Variants in FLACC1 observed in about 807,000 individuals in gnomAD.
The protein encoded by FLACC1 is flagellum-associated coiled-coil domain-containing protein 1.
FLACC1 carries 66 observed loss-of-function variants against 62.8 expected under a neutral mutation model. That is an observed-to-expected ratio of 1.05 (90% confidence interval 0.86 to 1.29). The LOEUF (loss-of-function observed/expected upper bound fraction) is 1.29, where lower values mean the gene tolerates loss of function less well. Among genes scored for constraint, FLACC1 ranks in the 50% most tolerant of loss-of-function variants. The probability of loss-of-function intolerance (pLI) is 0.00; values close to 1 mark genes in which losing one functional copy is unlikely to be tolerated. For missense variants in FLACC1, 452 were observed against 489.1 expected (o/e 0.92, Z 0.71); for synonymous variants, 156 against 161.0 (o/e 0.97, Z 0.24).
At chr2:201,292,974 A>G (rs1559383354) in intron 12 of FLACC1, among the ~76,000 whole-genome samples, 1 of 152,246 alleles carries the variant, frequency 6.6e-6, no homozygotes, top group Non-Finnish European at 1.5e-5. Flanking sequence ...AGAGCTAACT[A>G]TCCTAAATAT....
intron 1 of FLACC1, among the ~76,000 whole-genome samples, chr2:201,354,913 G>A (rs1951089949): frequency 6.6e-6 from 1 of 152,152 alleles, no homozygotes; most frequent in Non-Finnish European, 1.5e-5. Context: ...TCCACAACGG[G>A]CATTTGATGA....
intron 9 of FLACC1, among the ~76,000 whole-genome samples, chr2:201,319,601 CA>C (rs751503433): frequency 1.5e-4 from 23 of 152,190 alleles, no homozygotes; most frequent in Admixed American, 1.0e-3. Context: ...AAAATATTCA[CA>C]AACTACGCAT....
chr2:201,291,852 C>A (rs1206559825), intron 12 of FLACC1, among the ~76,000 whole-genome samples: 2 of 152,130 alleles, frequency 1.3e-5, no homozygotes, highest in Admixed American at 1.3e-4. Context: ...GAGCTGAAAA[C>A]CATGGCACAA....
rs1242832993 is a variant in FLACC1, at chr2:201,288,471, A to C, written c.*184T>G. On this transcript the variant is annotated 3_prime_UTR_variant, in exon 15 of 15. Coordinates refer to ENST00000392257, the MANE Select transcript of FLACC1 (RefSeq NM_001127391.3). ...TATGGAGAGCATCATTTTTCAGTGA[A>C]GAGTCCGTGATAAGCTGTGAAATTC... 4 of 602,014 alleles carry C rather than the reference A, an allele frequency of 6.6e-6. No individual in the cohort carries two copies. Among genetic ancestry groups the C allele is most frequent in the East Asian group, 3.0e-5 (1 of 33,242 alleles). The allele number at this position is 602,014 out of a possible 1,614,324, so 37.3% of individuals were successfully genotyped here.
rs1949681427 is a variant in FLACC1, at chr2:201,289,576, AT to A, written c.1033-11del. 1 of 1,613,824 alleles carries A rather than the reference AT, an allele frequency of 6.2e-7. No individual in the cohort carries two copies. Among genetic ancestry groups the A allele is most frequent in the African/African-American group, 1.3e-5 (1 of 74,924 alleles). On this transcript the variant is annotated splice_polypyrimidine_tract_variant and intron_variant, in intron 13 of 14. Coordinates refer to ENST00000392257, the MANE Select transcript of FLACC1 (RefSeq NM_001127391.3). ...TTCCCACTATAGCTTTCTGAAAGAC[AT>A]ACATTTTAATAGCCATCTTCCCCAA... is the stretch of plus-strand genomic sequence containing the variant.
chr2:201,320,123 T>A (rs1950376156), intron 9 of FLACC1, among the ~76,000 whole-genome samples: 1 of 152,182 alleles, frequency 6.6e-6, no homozygotes, highest in African/African-American at 2.4e-5. Context: ...TTGCACACAC[T>A]CCCAGATTTC....
intron 12 of FLACC1, among the ~76,000 whole-genome samples, chr2:201,295,062 A>G (rs1949827947): frequency 6.6e-6 from 1 of 152,220 alleles, no homozygotes; most frequent in Non-Finnish European, 1.5e-5. Flanking sequence ...AGGAAGAATC[A>G]ACATCGTGAA....
chr2:201,332,331 C>A (rs1342577834), intron 7 of FLACC1, among the ~76,000 whole-genome samples: 1 of 152,050 alleles, frequency 6.6e-6, no homozygotes, highest in East Asian at 1.9e-4. Context: ...TCACTGCAAC[C>A]TTCGCCTCCT....
chr2:201,299,390 A>G, intron 11 of FLACC1, 90 bp from the exon 12 acceptor site: 2 of 1,028,076 alleles, frequency 1.9e-6, no homozygotes, highest in Non-Finnish European at 3.0e-6. Flanking sequence ...ATTCAGGAAT[A>G]TAATATTCAC....
chr2:201,291,522 C>T (rs1187876674), intron 12 of FLACC1, among the ~76,000 whole-genome samples: 3 of 152,226 alleles, frequency 2.0e-5, no homozygotes, highest in Non-Finnish European at 4.4e-5. Flanking sequence ...AAAACCCCAT[C>T]TGTACGTCAC....
At chr2:201,305,600 T>C (rs921135198) in intron 11 of FLACC1, among the ~76,000 whole-genome samples, 28 of 152,196 alleles carry the variant, frequency 1.8e-4, no homozygotes, top group Admixed American at 6.5e-4. Context: ...ACCCAAAGGA[T>C]TATAAATCAT....
intron 12 of FLACC1, among the ~76,000 whole-genome samples, chr2:201,292,126 C>T (rs953714985): frequency 2.0e-5 from 3 of 152,196 alleles, no homozygotes; most frequent in Non-Finnish European, 4.4e-5. Flanking sequence ...AGGAGAACTT[C>T]CCCAACCGAG....
chr2:201,344,387 C>T, intron 5 of FLACC1, 124 bp from the exon 6 acceptor site: 1 of 773,128 alleles, frequency 1.3e-6, no homozygotes, highest in South Asian at 1.5e-5. Flanking sequence ...ATGTTCTGCA[C>T]CTGCTCTATC....
rs374199901 is a variant in FLACC1, at chr2:201,346,571, C to T, written c.339G>A (p.Ser113=). ...EMFDRKKRWE[S]EIPDKGRFSR... ...AAAATCTGCCTTTGTCCGGGATCTC[C>T]GATTCCCACCGCTTTTTCCTATCAA... is the stretch of plus-strand genomic sequence containing the variant. Residue 113 remains serine, a synonymous_variant, in exon 5 of 15, where the codon TCG becomes TCA. Coordinates refer to ENST00000392257, the MANE Select transcript of FLACC1 (RefSeq NM_001127391.3). This position sits in a 1 kb window ranked among gnomAD's most constrained non-coding sequence, Gnocchi z 4.0. The T allele has an allele frequency of 8.7e-6, 14 of 1,613,990 alleles. No individual in the cohort carries two copies. The highest frequency in any genetic ancestry group is 5.3e-5 in the African/African-American group (4 of 74,922).
At chr2:201,308,912 T>C (rs577142441) in intron 10 of FLACC1, among the ~76,000 whole-genome samples, 1 of 152,334 alleles carries the variant, frequency 6.6e-6, no homozygotes, top group Non-Finnish European at 1.5e-5. Context: ...TTGGACCAAA[T>C]GAGTTTCAGA....
At chr2:201,303,613 A>C (rs984694480) in intron 11 of FLACC1, among the ~76,000 whole-genome samples, 2 of 152,224 alleles carry the variant, frequency 1.3e-5, no homozygotes, top group Non-Finnish European at 2.9e-5. Flanking sequence ...AAAGCCTGGC[A>C]GAGACACAAC....
At chr2:201,341,965 A>T (rs1216876919) in intron 7 of FLACC1, among the ~76,000 whole-genome samples, 1 of 152,146 alleles carries the variant, frequency 6.6e-6, no homozygotes, top group East Asian at 1.9e-4. Context: ...CCTAGCAGCC[A>T]GGGAGAGTAG....
intron 1 of FLACC1, chr2:201,352,127 AAC>A (rs1298070712): frequency 6.6e-6 from 1 of 152,224 alleles, no homozygotes; most frequent in Non-Finnish European, 1.5e-5. Context: ...GCTGGAAACA[AAC>A]ACAAATCTCT....
chr2:201,351,199 C>T, intron 2 of FLACC1, 93 bp downstream of exon 2: 3 of 1,142,498 alleles, frequency 2.6e-6, no homozygotes, highest in Non-Finnish European at 3.8e-6. Flanking sequence ...GATTTTCCTG[C>T]CACACTTGCT....
Sources: gnomAD v4.1 joint callset for allele counts (sites outside exome capture counted in the v4.1 genomes callset) on GRCh38, gnomAD v4.1.1 for gene constraint, Gnocchi (gnomAD v3.1) non-coding constraint, MANE v1.5 for transcripts, NCBI Gene and HGNC (gene_info 2026-07-23, HGNC 2026-07-21) for gene names.